Variants in TMPRSS7 observed in about 807,000 individuals in gnomAD.
TMPRSS7 encodes the protein transmembrane serine protease 7, also known as transmembrane protease serine 7.
TMPRSS7 carries 81 observed loss-of-function variants against 95.6 expected under a neutral mutation model. That is an observed-to-expected ratio of 0.85 (90% CI 0.71 to 1.02). TMPRSS7 has a LOEUF of 1.02. Among genes scored for constraint, TMPRSS7 ranks in the 50% least tolerant of loss-of-function variants. The pLI is 0.00. For synonymous variants in TMPRSS7, 364 were observed against 337.8 expected, an observed-to-expected ratio of 1.08 and a Z score of -0.85; for missense variants, 945 against 955.2, an observed-to-expected ratio of 0.99 and a Z score of 0.14.
chr3:112,044,290 A>C, exon 4 of TMPRSS7: 6 of 1,551,342 alleles, frequency 3.9e-6, no homozygotes, highest in Non-Finnish European at 5.2e-6. Context: ...CCTTCTCCAA[A>C]TTTTATGAGC....
At chr3:112,042,863 A>G (rs2073226506) in intron 3 of TMPRSS7, 2 of 373,084 alleles carry the variant, frequency 5.4e-6, no homozygotes, top group African/African-American at 2.1e-5. Context: ...AAAAGTATCT[A>G]TTCATGGCTC....
chr3:112,079,447 C>T (rs1559965815), intron 17 of TMPRSS7, among the ~76,000 whole-genome samples: 1 of 152,198 alleles, frequency 6.6e-6, no homozygotes, highest in African/African-American at 2.4e-5. Flanking sequence ...ACCCACGGCC[C>T]ACAGGCCACA....
rs1229870976 is a variant in TMPRSS7, at chr3:112,038,230, CT to C, written c.211del (p.Trp71GlyfsTer17). On this transcript the variant is annotated frameshift_variant, in exon 2 of 18. Coordinates refer to ENST00000452346, the Ensembl canonical transcript of TMPRSS7. LOFTEE classifies it high-confidence loss of function. Reference sequence around the variant, plus strand: ...AGAAGCAATCCAAGAAAAAAGTTCCCTTTTGGAATGTACAAAATAAAATCAT... The same window carrying C: ...AGAAGCAATCCAAGAAAAAAGTTCCCTTTGGAATGTACAAAATAAAATCAT... 1 of 702,930 alleles carries C rather than the reference CT, an allele frequency of 1.4e-6. No homozygotes were observed. The highest frequency in any genetic ancestry group is 1.5e-5 in the South Asian group (1 of 67,598). The allele number at this position is 702,930 out of a possible 1,614,324, so 43.5% of individuals were successfully genotyped here.
At position 112,047,790 on chromosome 3, in the gene TMPRSS7, C is replaced by T. The variant is rs200116273; in HGVS notation, c.782C>T (p.Pro261Leu). 384 of 1,613,940 alleles carry T rather than the reference C, an allele frequency of 2.4e-4. 1 individual carries two copies. The highest frequency in any genetic ancestry group is 2.6e-4 in the Non-Finnish European group (311 of 1,179,942). The change falls in exon 7 of 18, where the codon CCG becomes CTG. Residue 261 changes from proline to leucine, a missense_variant. Coordinates refer to ENST00000452346, the Ensembl canonical transcript of TMPRSS7. ...GCAGAGCATCTGTCTCTCCACTACC[C>T]GCTGGAGATTTCTGCAGCCTCAGGG...
At chr3:112,047,713 A>G (rs1395748725) in intron 6 of TMPRSS7, 26 bp from the exon 7 acceptor site, 1 of 1,509,366 alleles carries the variant, frequency 6.6e-7, no homozygotes, top group African/African-American at 1.4e-5. Context: ...AAAAGAAAAT[A>G]AAGGAAAATG....
chr3:112,046,049 C>T, intron 5 of TMPRSS7, 106 bp downstream of exon 5: 4 of 990,952 alleles, frequency 4.0e-6, no homozygotes, highest in Admixed American at 2.9e-5. Flanking sequence ...TGGGATTACC[C>T]CACAATCCCA....
chr3:112,051,559 CT>C (rs1296730913), intron 9 of TMPRSS7, among the ~76,000 whole-genome samples: 1 of 108,036 alleles, frequency 9.3e-6, no homozygotes, highest in Admixed American at 9.1e-5. Context: ...ATCTATCTAT[CT>C]ATCTATGTAT....
Position 112,080,896 on chromosome 3 carries a change from C to T in TMPRSS7, c.2362-18C>T. ...ATGGGACCAATTTACTTTATACTTA[C>T]ATTTTTTGTGTGTGTAGGGAGATTC... is the stretch of plus-strand genomic sequence containing the variant. On this transcript the variant is annotated intron_variant, in intron 17 of 17. Coordinates refer to ENST00000452346, the Ensembl canonical transcript of TMPRSS7. 1 of 1,602,364 alleles carries T rather than the reference C, an allele frequency of 6.2e-7. No homozygotes were observed. The highest frequency in any genetic ancestry group is 8.5e-7 in the Non-Finnish European group (1 of 1,175,384).
At position 112,063,431 on chromosome 3, in the gene TMPRSS7, C is replaced by G. The variant is rs56154908; in HGVS notation, c.1448-94C>G. 6,632 of 917,562 alleles carry G rather than the reference C, an allele frequency of 7.2e-3. 279 individuals are homozygous for G. The African/African-American group carries it at 0.091, about 13-fold the overall frequency. The allele number at this position is 917,562 out of a possible 1,614,324, so 56.8% of individuals were successfully genotyped here. On this transcript the variant is annotated intron_variant, in intron 11 of 17. Coordinates refer to ENST00000452346, the Ensembl canonical transcript of TMPRSS7. ...TTATTACTGCTACCCTGCCAACTCC[C>G]TAACCACTTCACACTTTAAATTTGC... is the stretch of plus-strand genomic sequence containing the variant.
At chr3:112,066,908 C>T (rs2073584702) in intron 13 of TMPRSS7, among the ~76,000 whole-genome samples, 1 of 152,084 alleles carries the variant, frequency 6.6e-6, no homozygotes, top group South Asian at 2.1e-4. Context: ...TATACTTGTG[C>T]CATGTTGGTT....
At chr3:112,062,820 A>C (rs55968036) in intron 11 of TMPRSS7, among the ~76,000 whole-genome samples, 6,643 of 152,184 alleles carry the variant, frequency 0.044, 423 homozygotes, top group African/African-American at 0.14. Flanking sequence ...TTCTTTTGCA[A>C]AAGGGGAGGA....
chr3:112,042,074 A>G, intron 3 of TMPRSS7, 24 bp downstream of exon 3: 1 of 1,546,422 alleles, frequency 6.5e-7, no homozygotes, highest in East Asian at 2.4e-5. Flanking sequence ...GGTAGAGGGT[A>G]TTAGGGTAGA....
chr3:112,051,668 C>CTATCATCTATCTATCTATCTATCTATCT (rs61097993), intron 9 of TMPRSS7, among the ~76,000 whole-genome samples: 25 of 128,072 alleles, frequency 2.0e-4, no homozygotes, highest in Admixed American at 6.4e-4. Flanking sequence ...ATCTATCTAT[C>CTATCATCTATCTATCTATCTATCTATCT]ATCTATCTAT....
intron 7 of TMPRSS7, among the ~76,000 whole-genome samples, 189 bp downstream of exon 7, chr3:112,048,156 A>G (rs563923190): frequency 6.6e-6 from 1 of 152,176 alleles, no homozygotes; most frequent in Non-Finnish European, 1.5e-5. Context: ...ATCAGTCTCA[A>G]TGTTTGTTTT....
chr3:112,040,603 G>A (rs1206052036), intron 2 of TMPRSS7, among the ~76,000 whole-genome samples: 1 of 152,140 alleles, frequency 6.6e-6, no homozygotes, highest in African/African-American at 2.4e-5. Context: ...CCAGAACAAA[G>A]AAGCTTATTT....
intron 7 of TMPRSS7, among the ~76,000 whole-genome samples, 193 bp from the exon 8 acceptor site, chr3:112,049,651 T>C (rs2073321181): frequency 6.6e-6 from 1 of 152,136 alleles, no homozygotes. Context: ...TACACAAAAA[T>C]GTATCTACCT....
upstream of TMPRSS7, chr3:112,034,752 G>C (rs1447149228): frequency 1.5e-6 from 1 of 679,872 alleles, no homozygotes; most frequent in Non-Finnish European, 2.7e-6. Context: ...CTTGAATGCG[G>C]TGACGGTTCT....
intron 12 of TMPRSS7, among the ~76,000 whole-genome samples, chr3:112,064,850 G>A (rs1362335223): frequency 6.6e-6 from 1 of 152,126 alleles, no homozygotes; most frequent in Non-Finnish European, 1.5e-5. Context: ...AGCAATATGG[G>A]AAGGACAATT....
At chr3:112,035,426 T>G (rs1450392733) in intron 1 of TMPRSS7, among the ~76,000 whole-genome samples, 1 of 152,186 alleles carries the variant, frequency 6.6e-6, no homozygotes, top group Non-Finnish European at 1.5e-5. Context: ...CTCCAGGGGT[T>G]GACAAGGTGT....
Sources: allele counts gnomAD v4.1 joint callset (sites outside exome capture counted in the v4.1 genomes callset), GRCh38; gene constraint gnomAD v4.1.1; transcripts MANE v1.5; gene names NCBI Gene and HGNC (gene_info 2026-07-23, HGNC 2026-07-21).